The following CALN1 variants were observed in gnomAD, a reference collection of about 807,000 sequenced individuals.
CALN1 encodes calcium-binding protein 8.
In CALN1, 17 loss-of-function variants were observed where a neutral mutation model predicts 30.6. That is an observed-to-expected ratio of 0.56 (90% confidence interval 0.38 to 0.83). CALN1 has a LOEUF of 0.83. CALN1 is among the 40% of genes least tolerant of loss of function. CALN1 has a pLI of 0.00. For missense variants in CALN1, 291 were observed against 354.9 expected, an observed-to-expected ratio of 0.82 and a Z score of 1.45; for synonymous variants, 156 against 131.4, an observed-to-expected ratio of 1.19 and a Z score of -1.28.
intron 4 of CALN1, among the ~76,000 whole-genome samples, chr7:72,065,887 C>T (rs978202855): frequency 5.9e-5 from 9 of 151,872 alleles, no homozygotes; most frequent in African/African-American, 2.2e-4. Flanking sequence ...GAGCAAAACT[C>T]CATCTCAAAA....
intron 5 of CALN1, among the ~76,000 whole-genome samples, chr7:71,905,831 G>C (rs1012680464): frequency 7.2e-5 from 11 of 152,126 alleles, no homozygotes; most frequent in African/African-American, 1.9e-4. Context: ...ACCCAAGACT[G>C]GGTAATTTAT....
At chr7:72,406,209 G>A (rs1459459150) in intron 1 of CALN1, among the ~76,000 whole-genome samples, 2 of 152,158 alleles carry the variant, frequency 1.3e-5, no homozygotes, top group East Asian at 1.9e-4. Context: ...GCGTAACGAG[G>A]GAAGCCAAGC....
intron 1 of CALN1, among the ~76,000 whole-genome samples, chr7:72,431,911 C>T (rs1807992208): frequency 1.3e-5 from 2 of 151,486 alleles, no homozygotes; most frequent in South Asian, 2.1e-4. Context: ...ACCTCCCTAA[C>T]CACCTCCTAA....
intron 5 of CALN1, among the ~76,000 whole-genome samples, chr7:71,841,344 C>T (rs923420431): frequency 6.6e-6 from 1 of 152,168 alleles, no homozygotes; most frequent in African/African-American, 2.4e-5. Context: ...AGGAAGGAGC[C>T]TGCATGACTG....
At chr7:72,020,871 T>C (rs990204750) in intron 5 of CALN1, among the ~76,000 whole-genome samples, 1 of 151,808 alleles carries the variant, frequency 6.6e-6, no homozygotes, top group East Asian at 1.9e-4. Context: ...TAAGTAGCCA[T>C]AGCTCCTTCT....
chr7:72,005,469 C>T (rs1799721962), intron 5 of CALN1, among the ~76,000 whole-genome samples: 1 of 152,052 alleles, frequency 6.6e-6, no homozygotes, highest in Non-Finnish European at 1.5e-5. Flanking sequence ...GCTGGGACTA[C>T]AGGCACACAC....
chr7:72,163,352 T>C (rs1428481787), intron 3 of CALN1, among the ~76,000 whole-genome samples: 1 of 145,116 alleles, frequency 6.9e-6, no homozygotes, highest in African/African-American at 2.6e-5. Flanking sequence ...TTACAAGGCA[T>C]TATCCACAAT....
intron 5 of CALN1, among the ~76,000 whole-genome samples, chr7:71,915,480 T>C (rs917417431): frequency 6.6e-6 from 1 of 152,072 alleles, no homozygotes; most frequent in Non-Finnish European, 1.5e-5. Context: ...ATGCCTGTAA[T>C]CCCAGCACTT....
chr7:71,831,031 G>T (rs913316884), intron 5 of CALN1, among the ~76,000 whole-genome samples: 1 of 151,932 alleles, frequency 6.6e-6, no homozygotes, highest in Admixed American at 6.6e-5. Context: ...TAAGTTCTCT[G>T]CCTCCTCATG....
chr7:72,034,878 A>C (rs1002330561), intron 4 of CALN1, among the ~76,000 whole-genome samples: 21 of 151,762 alleles, frequency 1.4e-4, no homozygotes, highest in Non-Finnish European at 2.8e-4. Context: ...CAAGTTGAAG[A>C]AGCAAGGTAC....
At chr7:72,325,907 T>C (rs1801243987) in intron 2 of CALN1, among the ~76,000 whole-genome samples, 1 of 152,158 alleles carries the variant, frequency 6.6e-6, no homozygotes, top group Non-Finnish European at 1.5e-5. Flanking sequence ...TGTTTTTTGG[T>C]GGGCTTTTTT....
intron 4 of CALN1, among the ~76,000 whole-genome samples, chr7:72,025,634 A>C (rs1440549432): frequency 6.6e-6 from 1 of 152,148 alleles, no homozygotes; most frequent in East Asian, 1.9e-4. Flanking sequence ...GTCCTCCAGG[A>C]GTCATCAGTG....
intron 4 of CALN1, among the ~76,000 whole-genome samples, chr7:72,059,071 C>T (rs1803471593): frequency 6.6e-6 from 1 of 152,120 alleles, no homozygotes; most frequent in Non-Finnish European, 1.5e-5. Flanking sequence ...ATGGATTAAG[C>T]AGTTGAAAAC....
chr7:71,928,678 T>C (rs1795394949), intron 5 of CALN1, among the ~76,000 whole-genome samples: 1 of 152,136 alleles, frequency 6.6e-6, no homozygotes, highest in Non-Finnish European at 1.5e-5. Flanking sequence ...CACAGAGTTA[T>C]GCCATCATCA....
chr7:72,288,384 G>T (rs902709854), intron 2 of CALN1, among the ~76,000 whole-genome samples: 1 of 152,116 alleles, frequency 6.6e-6, no homozygotes, highest in South Asian at 2.1e-4. Context: ...AAGACATGGG[G>T]GTAGGGGCTC....
chr7:72,149,639 T>C (rs1463240458), intron 3 of CALN1, among the ~76,000 whole-genome samples: 2 of 152,114 alleles, frequency 1.3e-5, no homozygotes, highest in Non-Finnish European at 2.9e-5. Flanking sequence ...TGCTGCCTTC[T>C]ATCCCATAAT....
intron 3 of CALN1, among the ~76,000 whole-genome samples, chr7:72,137,463 G>A (rs1409111973): frequency 6.6e-6 from 1 of 152,186 alleles, no homozygotes; most frequent in African/African-American, 2.4e-5. Flanking sequence ...GAGGCACGAA[G>A]TGAGCACATG....
intron 3 of CALN1, among the ~76,000 whole-genome samples, chr7:72,138,055 A>G (rs1250211341): frequency 1.3e-5 from 2 of 152,218 alleles, no homozygotes; most frequent in Non-Finnish European, 2.9e-5. Context: ...ATGGCAACTT[A>G]ATTATATCCA....
At chr7:72,022,714 T>A (rs187305521) in intron 5 of CALN1, among the ~76,000 whole-genome samples, 15 of 152,112 alleles carry the variant, frequency 9.9e-5, no homozygotes, top group Non-Finnish European at 1.9e-4. Context: ...AATTGTGAAA[T>A]AGCTAGGTCT....
Sources: gnomAD v4.1 joint callset for allele counts (sites outside exome capture counted in the v4.1 genomes callset) on GRCh38, gnomAD v4.1.1 for gene constraint, MANE v1.5 for transcripts, NCBI Gene and HGNC (gene_info 2026-07-23, HGNC 2026-07-21) for gene names.